GPAT3: variants seen among roughly 807,000 people sequenced by gnomAD.
GPAT3 encodes glycerol-3-phosphate acyltransferase 3, also known as 1-AGP acyltransferase 9.
Under a neutral mutation model 58.8 loss-of-function variants are expected in GPAT3, and 53 were observed. The ratio of observed to expected loss-of-function variants is 0.90; its 90% confidence interval spans 0.72 to 1.13. GPAT3 has a LOEUF of 1.13. Among genes scored for constraint, GPAT3 ranks in the 50% most tolerant of loss-of-function variants. The pLI, the probability that GPAT3 is intolerant of heterozygous loss-of-function variation, is 0.00. For missense variants in GPAT3, 511 were observed against 527.6 expected, an observed-to-expected ratio of 0.97 and a Z score of 0.31; for synonymous variants, 197 against 187.4, an observed-to-expected ratio of 1.05 and a Z score of -0.42.
chr4:83,545,444 T>TA (rs200359970), intron 2 of GPAT3, among the ~76,000 whole-genome samples: 62,688 of 145,852 alleles, frequency 0.43, 13,772 homozygotes, highest in Middle Eastern at 0.6. Flanking sequence ...AGACCTCATT[T>TA]AAAAAAAAAA....
At chr4:83,585,022 CCTT>C (rs1291161447) in intron 3 of GPAT3, among the ~76,000 whole-genome samples, 1 of 152,134 alleles carries the variant, frequency 6.6e-6, no homozygotes, top group Non-Finnish European at 1.5e-5. Flanking sequence ...AAATGAAACT[CCTT>C]CTGATTTAAT....
intron 1 of GPAT3, among the ~76,000 whole-genome samples, chr4:83,543,485 C>G (rs890278728): frequency 6.6e-6 from 1 of 151,978 alleles, no homozygotes; most frequent in African/African-American, 2.4e-5. Flanking sequence ...TCTTTATACT[C>G]CTAGGTATAT....
At chr4:83,588,569 C>A (rs543873500) in intron 5 of GPAT3, among the ~76,000 whole-genome samples, 142 of 152,264 alleles carry the variant, frequency 9.3e-4, no homozygotes, top group African/African-American at 3.3e-3. Flanking sequence ...TGTAGCTCAT[C>A]CCTATGAGAT....
chr4:83,562,198 T>TA (rs1396333633), intron 2 of GPAT3, among the ~76,000 whole-genome samples: 1 of 40,816 alleles, frequency 2.5e-5, no homozygotes, highest in Admixed American at 2.9e-4. Context: ...TATATATATA[T>TA]AATATATATA....
rs192945645 is a variant in GPAT3 at position 83,538,247 on chromosome 4, G to A, written c.141+1484G>A. ...CCTGTATTGCCCTAGACTCTTGTTTGTGGCTATTTCTTTGCCTAGACTTTG... is the reference window on the plus strand; with the variant it reads ...CCTGTATTGCCCTAGACTCTTGTTTATGGCTATTTCTTTGCCTAGACTTTG... On this transcript the variant is annotated intron_variant, in intron 1 of 11. Transcript: ENST00000264409. Among the ~76,000 whole-genome samples the A allele has an allele frequency of 8.8e-4, 134 of 152,258 alleles. 1 individual carries two copies. Among genetic ancestry groups the A allele is most frequent in the Admixed American group, 2.8e-3 (43 of 15,296 alleles).
intron 11 of GPAT3, among the ~76,000 whole-genome samples, chr4:83,600,391 A>C (rs1727013128): frequency 6.6e-6 from 1 of 152,168 alleles, no homozygotes. Context: ...ATCCATCTCC[A>C]AATAGCACCA....
chr4:83,535,947 T>G (rs1560596266), upstream of GPAT3: 13 of 985,420 alleles, frequency 1.3e-5, no homozygotes, highest in Non-Finnish European at 1.6e-5. Flanking sequence ...GGACCTTTGC[T>G]GAGTGCTGGG....
chr4:83,580,257 C>T (rs989784691), intron 2 of GPAT3, among the ~76,000 whole-genome samples: 7 of 152,084 alleles, frequency 4.6e-5, no homozygotes, highest in South Asian at 4.1e-4. Context: ...AGAGGAAAAC[C>T]TAATCCTATT....
intron 2 of GPAT3, among the ~76,000 whole-genome samples, chr4:83,565,812 G>A (rs936047940): frequency 1.3e-5 from 2 of 152,202 alleles, no homozygotes; most frequent in South Asian, 2.1e-4. Context: ...CCGAGCTCTC[G>A]GCCTCCACCC....
At chr4:83,555,785 G>GAA (rs1724921793) in intron 2 of GPAT3, among the ~76,000 whole-genome samples, 1 of 152,170 alleles carries the variant, frequency 6.6e-6, no homozygotes, top group Non-Finnish European at 1.5e-5. Flanking sequence ...CGGTCTTGTA[G>GAA]AACTGAGCCC....
At chr4:83,570,915 G>A (rs2110088650) in intron 2 of GPAT3, among the ~76,000 whole-genome samples, 1 of 152,194 alleles carries the variant, frequency 6.6e-6, no homozygotes, top group Admixed American at 6.5e-5. Context: ...CCCCAATCGA[G>A]CTAAAGAACA....
At chr4:83,599,814 G>A (rs1214897838) in intron 11 of GPAT3, among the ~76,000 whole-genome samples, 2 of 152,084 alleles carry the variant, frequency 1.3e-5, no homozygotes, top group African/African-American at 2.4e-5. Context: ...TGTTCCAAGT[G>A]CCCTAGTAAA....
rs760151577 is a variant in GPAT3 at position 83,583,667 on chromosome 4, G to GAAGAAAAA, written c.479+1837_479+1838insGAAAAAAA. Among the ~76,000 whole-genome samples the GAAGAAAAA allele has an allele frequency of 1.3e-4, 3 of 23,478 alleles. 1 individual carries two copies. The allele number at this position is 23,478 out of a possible 152,430, so 15.4% of individuals were successfully genotyped here. On this transcript the variant is annotated intron_variant, in intron 3 of 11. Transcript: ENST00000264409. ...GGGTGACAGAGCGAGACTCTTGTCT[G>GAAGAAAAA]AAAAAAAAAAAAAAAAAAAAAAAAA...
intron 6 of GPAT3, among the ~76,000 whole-genome samples, chr4:83,592,834 G>A (rs1726654746): frequency 6.6e-6 from 1 of 151,938 alleles, no homozygotes; most frequent in African/African-American, 2.4e-5. Context: ...AAAAATGTGG[G>A]TAAAATGTTT....
At chr4:83,547,950 T>G (rs1724608662) in intron 2 of GPAT3, among the ~76,000 whole-genome samples, 2 of 151,870 alleles carry the variant, frequency 1.3e-5, no homozygotes, top group African/African-American at 4.8e-5. Flanking sequence ...GTGCTGGGAT[T>G]ACAGCCATAA....
chr4:83,585,359 TAA>T (rs1388285691), intron 3 of GPAT3, among the ~76,000 whole-genome samples: 2 of 149,902 alleles, frequency 1.3e-5, no homozygotes, highest in Non-Finnish European at 3.0e-5. Flanking sequence ...ATAAAATTAA[TAA>T]TATATATTAA....
chr4:83,549,102 GA>G (rs1724650046), intron 2 of GPAT3, among the ~76,000 whole-genome samples: 1 of 150,152 alleles, frequency 6.7e-6, no homozygotes, highest in Non-Finnish European at 1.5e-5. Flanking sequence ...CCAGATACTT[GA>G]GAGGCTGAAG....
chr4:83,572,017 C>T (rs934034528), intron 2 of GPAT3, among the ~76,000 whole-genome samples: 5 of 152,030 alleles, frequency 3.3e-5, no homozygotes, highest in Admixed American at 1.3e-4. Flanking sequence ...AGGTAATCCA[C>T]CCCCGTTGTC....
chr4:83,552,892 C>T (rs1253123995), intron 2 of GPAT3, among the ~76,000 whole-genome samples: 1 of 152,024 alleles, frequency 6.6e-6, no homozygotes. Context: ...CTTATAAATA[C>T]GGGCCCCAGG....
Sources: allele counts gnomAD v4.1 joint callset (sites outside exome capture counted in the v4.1 genomes callset), GRCh38; gene constraint gnomAD v4.1.1; transcripts MANE v1.5; gene names NCBI Gene and HGNC (gene_info 2026-07-23, HGNC 2026-07-21).